CD86: variants seen among roughly 807,000 people sequenced by gnomAD.
CD86 encodes T-lymphocyte activation antigen CD86.
CD86 carries 11 observed loss-of-function variants against 32.1 expected under a neutral mutation model. That is an observed-to-expected ratio of 0.34 (90% CI 0.22 to 0.57). CD86 has a LOEUF of 0.57. CD86 is among the 20% of genes least tolerant of loss of function. The pLI is 0.86. For synonymous variants in CD86, 137 were observed against 135.3 expected, an observed-to-expected ratio of 1.01 and a Z score of -0.09; for missense variants, 359 against 398.4, an observed-to-expected ratio of 0.90 and a Z score of 0.84.
At chr3:122,080,580 A>T (rs2072619522) in intron 1 of CD86, among the ~76,000 whole-genome samples, 1 of 152,190 alleles carries the variant, frequency 6.6e-6, no homozygotes, top group East Asian at 1.9e-4. Flanking sequence ...TCTTCTCTGC[A>T]CCTACTCATC....
At chr3:122,079,846 A>G (rs1419479921) in intron 1 of CD86, among the ~76,000 whole-genome samples, 1 of 152,136 alleles carries the variant, frequency 6.6e-6, no homozygotes, top group East Asian at 1.9e-4. Flanking sequence ...GTCCTCCTTT[A>G]TTCATGGACG....
At chr3:122,110,228 C>A (rs995426055) in intron 5 of CD86, among the ~76,000 whole-genome samples, 1 of 152,114 alleles carries the variant, frequency 6.6e-6, no homozygotes, top group Non-Finnish European at 1.5e-5. Flanking sequence ...TTTATTTAAC[C>A]AACCTCATTT....
At chr3:122,068,485 A>T (rs1447352070) in intron 1 of CD86, among the ~76,000 whole-genome samples, 1 of 152,216 alleles carries the variant, frequency 6.6e-6, no homozygotes, top group East Asian at 1.9e-4. Flanking sequence ...AGTTTCTCAG[A>T]ATACGTAAAT....
At position 122,071,792 on chromosome 3, in the gene CD86, T is replaced by G. The variant is rs530781230; in HGVS notation, c.14+16289T>G. 9.9e-5 allele frequency among the ~76,000 whole-genome samples: 15 copies of G among 151,996 alleles called. No homozygotes were observed. The East Asian group carries it at 2.3e-3, about 24-fold the overall frequency. On this transcript the variant is annotated intron_variant, in intron 1 of 6. Coordinates refer to ENST00000330540, the MANE Select transcript of CD86 (RefSeq NM_175862.5). The stretch of plus-strand genomic sequence containing the variant: ...GCACAATGTGCAGGTTAGTTACATA[T>G]GTATACATGTGCCATGTTGGTGTGC...
intron 1 of CD86, among the ~76,000 whole-genome samples, chr3:122,085,758 G>C (rs1371185407): frequency 6.6e-6 from 1 of 152,054 alleles, no homozygotes; most frequent in Non-Finnish European, 1.5e-5. Flanking sequence ...GGTGCTCTGA[G>C]AAGTAACGCT....
At chr3:122,076,672 G>T (rs923893484) in intron 1 of CD86, among the ~76,000 whole-genome samples, 1 of 152,196 alleles carries the variant, frequency 6.6e-6, no homozygotes, top group Admixed American at 6.5e-5. Flanking sequence ...AGTGACAGAA[G>T]GGAGATCTTT....
Position 122,119,506 on chromosome 3 carries a change from C to A in CD86, c.962C>A (p.Ser321Ter). The A allele has an allele frequency of 1.9e-6, 3 of 1,606,962 alleles. No individual in the cohort carries two copies. The highest frequency in any genetic ancestry group is 2.6e-6 in the Non-Finnish European group (3 of 1,173,542). The change falls in exon 7 of 7, where the codon TCA (serine) becomes TAA (stop). Residue 321 changes from serine (S) to a stop codon, truncating the protein, a stop_gained. Coordinates refer to ENST00000330540, the MANE Select transcript of CD86 (RefSeq NM_175862.5). LOFTEE classifies it high-confidence loss of function. ...GTTTTTAAAAGTTCGAAGACATCTT[C>A]ATGCGACAAAAGTGATACATGTTTT... Reference protein sequence around the residue: ...QRVFKSSKTSSCDKSDTCF With the variant: ...QRVFKSSKTS
chr3:122,094,499 A>T (rs2072876083), intron 2 of CD86, among the ~76,000 whole-genome samples: 1 of 152,236 alleles, frequency 6.6e-6, no homozygotes, highest in Non-Finnish European at 1.5e-5. Flanking sequence ...CCAGTAATTC[A>T]CACACGATGA....
intron 2 of CD86, among the ~76,000 whole-genome samples, chr3:122,098,419 A>G (rs1439177011): frequency 6.6e-6 from 1 of 152,104 alleles, no homozygotes; most frequent in Non-Finnish European, 1.5e-5. Flanking sequence ...GAGGAATGTC[A>G]AGGGAGGCAG....
intron 1 of CD86, among the ~76,000 whole-genome samples, chr3:122,073,893 C>G (rs1347522697): frequency 6.6e-6 from 1 of 152,132 alleles, no homozygotes; most frequent in Non-Finnish European, 1.5e-5. Flanking sequence ...AACTTAATCC[C>G]ACTGGTGAGC....
chr3:122,075,962 T>C (rs1013122820), intron 1 of CD86, among the ~76,000 whole-genome samples: 3 of 152,198 alleles, frequency 2.0e-5, no homozygotes, highest in African/African-American at 7.2e-5. Flanking sequence ...TATTTAGTAT[T>C]ACTTCTGTGA....
Position 122,078,764 on chromosome 3 carries a change from C to A in CD86, c.15-12837C>A, listed in dbSNP as rs1009951206. On this transcript the variant is annotated intron_variant, in intron 1 of 6. Coordinates refer to ENST00000330540, the MANE Select transcript of CD86 (RefSeq NM_175862.5). ...AATAGCAATTTAAGGTTCTGGAGAG[C>A]CAGGTGAAAATAGTTTTTGACAAAG... Among the ~76,000 whole-genome samples the A allele has an allele frequency of 1.3e-5, 2 of 152,176 alleles. 1 individual carries two copies. The highest frequency in any genetic ancestry group is 4.1e-4 in the South Asian group (2 of 4,830).
At chr3:122,072,766 T>A (rs1432913411) in intron 1 of CD86, among the ~76,000 whole-genome samples, 1 of 152,214 alleles carries the variant, frequency 6.6e-6, no homozygotes, top group African/African-American at 2.4e-5. Context: ...TGGCTTTGGT[T>A]GCCATTGCTT....
chr3:122,087,829 T>C (rs146949126), intron 1 of CD86, among the ~76,000 whole-genome samples: 120 of 152,178 alleles, frequency 7.9e-4, no homozygotes, highest in African/African-American at 2.7e-3. Context: ...AAACTAGTAT[T>C]GACGGAAGGA....
chr3:122,078,348 C>T (rs879241891), intron 1 of CD86, among the ~76,000 whole-genome samples: 1 of 152,200 alleles, frequency 6.6e-6, no homozygotes, highest in South Asian at 2.1e-4. Flanking sequence ...CTGTTCTTGG[C>T]TTTGGGGTGC....
chr3:122,059,404 A>G (rs1201728228), intron 1 of CD86, among the ~76,000 whole-genome samples: 1 of 151,968 alleles, frequency 6.6e-6, no homozygotes, highest in Non-Finnish European at 1.5e-5. Flanking sequence ...ATAGAAATCA[A>G]GTGGGCCTGT....
intron 1 of CD86, among the ~76,000 whole-genome samples, chr3:122,067,123 G>A (rs894443113): frequency 2.0e-5 from 3 of 152,214 alleles, no homozygotes; most frequent in African/African-American, 7.2e-5. Flanking sequence ...TGAAACTGTT[G>A]TATGGGTTGT....
At chr3:122,114,567 A>T (rs1381312908) in intron 5 of CD86, among the ~76,000 whole-genome samples, 1 of 152,198 alleles carries the variant, frequency 6.6e-6, no homozygotes, top group African/African-American at 2.4e-5. Context: ...AGGAAAAGAC[A>T]TTGCAAGAAA....
chr3:122,063,472 T>C (rs1193162050), intron 1 of CD86, among the ~76,000 whole-genome samples: 1 of 152,090 alleles, frequency 6.6e-6, no homozygotes, highest in Non-Finnish European at 1.5e-5. Flanking sequence ...AAGTTAATAA[T>C]GACTCCTTAA....
Sources: allele counts gnomAD v4.1 joint callset (sites outside exome capture counted in the v4.1 genomes callset), GRCh38; gene constraint gnomAD v4.1.1; transcripts MANE v1.5; gene names NCBI Gene and HGNC (gene_info 2026-07-23, HGNC 2026-07-21).